Variants in CYLD observed in about 807,000 individuals in gnomAD.
CYLD encodes the protein ubiquitin carboxyl-terminal hydrolase CYLD.
A neutral mutation model predicts 104.5 loss-of-function variants in CYLD; 26 were observed. That is an observed-to-expected ratio of 0.25 (90% confidence interval 0.18 to 0.35). The LOEUF (loss-of-function observed/expected upper bound fraction) is 0.35, where lower values mean the gene tolerates loss of function less well. CYLD is among the 10% of genes least tolerant of loss of function. The probability of loss-of-function intolerance (pLI) is 1.00; values close to 1 mark genes in which losing one functional copy is unlikely to be tolerated. For missense variants in CYLD, 703 were observed against 1,136.1 expected, an observed-to-expected ratio of 0.62 and a Z score of 5.48; for synonymous variants, 385 against 399.9, an observed-to-expected ratio of 0.96 and a Z score of 0.45.
chr16:50,766,278 A>C (rs1211294931), intron 5 of CYLD, among the ~76,000 whole-genome samples: 1 of 152,230 alleles, frequency 6.6e-6, no homozygotes, highest in Non-Finnish European at 1.5e-5. Context: ...TAAATGGAAC[A>C]ACAAAGACTG....
chr16:50,755,329 T>G (rs148780467), intron 5 of CYLD, among the ~76,000 whole-genome samples: 1,600 of 152,182 alleles, frequency 0.011, 27 homozygotes, highest in African/African-American at 0.036. Flanking sequence ...CAGATTGTGC[T>G]GCTGTAAACG....
intron 8 of CYLD, among the ~76,000 whole-genome samples, 158 bp from the exon 9 acceptor site, chr16:50,779,507 A>G (rs1970006471): frequency 6.6e-6 from 1 of 152,146 alleles, no homozygotes; most frequent in Non-Finnish European, 1.5e-5. Flanking sequence ...GAGCGAGAAC[A>G]CTGTTGGAGA....
chr16:50,781,231 G>C lies in CYLD; in HGVS notation c.1519-15G>C. On this transcript the variant is annotated splice_polypyrimidine_tract_variant and intron_variant, in intron 9 of 18. Transcript: ENST00000427738. ...AAGGCACGGTATAATGCATATTGAA[G>C]CATTTCTTTTTCAGGAAGATGAGTG... is the stretch of plus-strand genomic sequence containing the variant. 1 of 1,613,724 alleles carries C rather than the reference G, an allele frequency of 6.2e-7. No homozygotes were observed. Among genetic ancestry groups the C allele is most frequent in the South Asian group, 1.1e-5 (1 of 91,068 alleles).
At chr16:50,769,714 G>A (rs961148430) in intron 5 of CYLD, among the ~76,000 whole-genome samples, 1 of 152,142 alleles carries the variant, frequency 6.6e-6, no homozygotes, top group African/African-American at 2.4e-5. Flanking sequence ...CAACCAGAAT[G>A]TTGACCCTGA....
intron 2 of CYLD, among the ~76,000 whole-genome samples, chr16:50,743,691 G>GT (rs906120607): frequency 6.7e-4 from 102 of 151,250 alleles, no homozygotes; most frequent in South Asian, 2.1e-4. Flanking sequence ...ATTTAAATTA[G>GT]TTTTTTTTTC....
chr16:50,771,172 C>T (rs777035485), intron 5 of CYLD, among the ~76,000 whole-genome samples: 2 of 149,642 alleles, frequency 1.3e-5, no homozygotes, highest in Non-Finnish European at 3.0e-5. Context: ...TTCCCATTGT[C>T]TCTTACCCTG....
At chr16:50,776,511 C>G (rs941072336) in intron 7 of CYLD, among the ~76,000 whole-genome samples, 2 of 152,128 alleles carry the variant, frequency 1.3e-5, no homozygotes, top group East Asian at 3.9e-4. Flanking sequence ...TTTTGCTGGT[C>G]TATAATCAAA....
At chr16:50,782,218 A>G in intron 10 of CYLD, 107 bp from the exon 11 acceptor site, 2 of 963,714 alleles carry the variant, frequency 2.1e-6, no homozygotes, top group South Asian at 1.8e-5. Flanking sequence ...AAAATTTTGC[A>G]TCAAAATACA....
chr16:50,792,611 G>C lies in CYLD; in HGVS notation c.2256G>C (p.Leu752=). The C allele has an allele frequency of 5.6e-6, 9 of 1,604,814 alleles. No homozygotes were observed. The highest frequency in any genetic ancestry group is 6.8e-6 in the Non-Finnish European group (8 of 1,172,834). The change falls in exon 16 of 19, where the codon CTG becomes CTC. Residue 752 remains leucine (L), a synonymous_variant. Coordinates refer to ENST00000427738, the MANE Select transcript of CYLD (RefSeq NM_001378743.1). ...NLKFAEAPSC[L]IIQMPRFGKD... ...CTTTTTTATAGGCACCATCATGTCT[G>C]ATTATTCAGATGCCTCGATTTGGAA...
chr16:50,774,841 G>A (rs1567442360), intron 5 of CYLD, among the ~76,000 whole-genome samples: 1 of 152,116 alleles, frequency 6.6e-6, no homozygotes, highest in Non-Finnish European at 1.5e-5. Flanking sequence ...TGGATAAGTG[G>A]GGACCACAGT....
At position 50,782,407 on chromosome 16, in the gene CYLD, G is replaced by A. The variant is rs755290913; in HGVS notation, c.1767G>A (p.Gly589=). 14 of 1,613,802 alleles carry A rather than the reference G, an allele frequency of 8.7e-6. No homozygotes were observed. Among genetic ancestry groups the A allele is most frequent in the Non-Finnish European group, 1.2e-5 (14 of 1,179,852 alleles). ...AAGAAGGCTTGGAGATAATGATTGGGAAGAAGAAAGGCATCCAGGGTCATT... is the reference window on the plus strand; with the variant it reads ...AAGAAGGCTTGGAGATAATGATTGGAAAGAAGAAAGGCATCCAGGGTCATT... ...MEKEGLEIMI[G]KKKGIQGHYN... Residue 589 remains glycine (G), a synonymous_variant, in exon 11 of 19, where the codon GGG becomes GGA. Coordinates refer to ENST00000427738, the MANE Select transcript of CYLD (RefSeq NM_001378743.1).
chr16:50,748,826 C>T (rs906917392), intron 2 of CYLD, among the ~76,000 whole-genome samples: 1 of 152,130 alleles, frequency 6.6e-6, no homozygotes, highest in African/African-American at 2.4e-5. Flanking sequence ...TCCATTATCA[C>T]AATATGGCCA....
chr16:50,761,121 T>A (rs1967873776), intron 5 of CYLD, among the ~76,000 whole-genome samples: 1 of 152,214 alleles, frequency 6.6e-6, no homozygotes, highest in Non-Finnish European at 1.5e-5. Context: ...ATTTTTAAAT[T>A]GGGTTAGGTT....
intron 5 of CYLD, among the ~76,000 whole-genome samples, chr16:50,764,045 A>G (rs111362414): frequency 0.014 from 2,201 of 152,226 alleles, 60 homozygotes; most frequent in African/African-American, 0.05. Context: ...TCAACCTTAC[A>G]TCCATGATGT....
chr16:50,785,836 A>G (rs527737844), intron 12 of CYLD: 4 of 152,066 alleles, frequency 2.6e-5, no homozygotes, highest in African/African-American at 9.7e-5. Flanking sequence ...TTTTAACCTT[A>G]CTCATTTTGT....
At chr16:50,762,057 T>C (rs1235235849) in intron 5 of CYLD, among the ~76,000 whole-genome samples, 1 of 152,162 alleles carries the variant, frequency 6.6e-6, no homozygotes, top group Non-Finnish European at 1.5e-5. Flanking sequence ...CAAGTGTAAT[T>C]GTGCTACACT....
At chr16:50,761,018 A>G (rs1055672885) in intron 5 of CYLD, among the ~76,000 whole-genome samples, 9 of 152,350 alleles carry the variant, frequency 5.9e-5, no homozygotes, top group Admixed American at 1.3e-4. Flanking sequence ...ACATTTGCAA[A>G]TAGAAATTTG....
chr16:50,793,758 A>ATCATAATT, intron 17 of CYLD, 94 bp downstream of exon 17: 2 of 881,664 alleles, frequency 2.3e-6, no homozygotes, highest in Non-Finnish European at 3.8e-6. Context: ...GTTTTTTAAA[A>ATCATAATT]TCATAATTAA....
chr16:50,789,853 A>G (rs1399814030), intron 14 of CYLD, among the ~76,000 whole-genome samples: 1 of 152,232 alleles, frequency 6.6e-6, no homozygotes, highest in Non-Finnish European at 1.5e-5. Flanking sequence ...ACAGAATCAA[A>G]TAACCAAAGA....
Sources: allele counts gnomAD v4.1 joint callset (sites outside exome capture counted in the v4.1 genomes callset), GRCh38; gene constraint gnomAD v4.1.1; transcripts MANE v1.5; gene names NCBI Gene and HGNC (gene_info 2026-07-23, HGNC 2026-07-21).